The following FGF12 variants were observed in gnomAD, a reference collection of about 807,000 sequenced individuals.
The protein encoded by FGF12 is fibroblast growth factor 12B.
FGF12 carries 14 observed loss-of-function variants against 23.6 expected under a neutral mutation model. That is an observed-to-expected ratio of 0.59 (90% CI 0.39 to 0.93). The LOEUF (loss-of-function observed/expected upper bound fraction) is 0.93. Ranked by LOEUF, FGF12 falls within the 40% of genes least tolerant of loss-of-function variation. FGF12 has a pLI of 0.00. For synonymous variants in FGF12, 62 were observed against 77.3 expected (o/e 0.80, Z 1.04); for missense variants, 175 against 217.8 (o/e 0.80, Z 1.24).
At chr3:192,599,269 A>AATAATAATAATTATT (rs1553837299) in intron 2 of FGF12, among the ~76,000 whole-genome samples, 24 of 148,094 alleles carry the variant, frequency 1.6e-4, no homozygotes, top group Non-Finnish European at 2.2e-4. Context: ...TAATAATAAT[A>AATAATAATAATTATT]ATAATAATAA....
intron 2 of FGF12, among the ~76,000 whole-genome samples, chr3:192,447,733 A>C (rs1193488759): frequency 6.6e-6 from 1 of 152,168 alleles, no homozygotes; most frequent in Non-Finnish European, 1.5e-5. Flanking sequence ...CCATTTTTAA[A>C]AACTTAAGTT....
chr3:192,665,457 G>A (rs924683354), intron 2 of FGF12, among the ~76,000 whole-genome samples: 1 of 152,174 alleles, frequency 6.6e-6, no homozygotes, highest in African/African-American at 2.4e-5. Context: ...CATATCCTTT[G>A]CAGGGACATG....
At chr3:192,335,031 T>G (rs181867966) in intron 4 of FGF12, among the ~76,000 whole-genome samples, 2 of 152,220 alleles carry the variant, frequency 1.3e-5, no homozygotes, top group Admixed American at 6.6e-5. Flanking sequence ...TCCTCCATGC[T>G]TAAAGGAGAG....
At chr3:192,559,636 A>T (rs945355087) in intron 2 of FGF12, among the ~76,000 whole-genome samples, 1 of 152,062 alleles carries the variant, frequency 6.6e-6, no homozygotes, top group Non-Finnish European at 1.5e-5. Flanking sequence ...TCTAAAACTT[A>T]AAGTATAATA....
chr3:192,251,648 T>C (rs1245296983), intron 4 of FGF12, among the ~76,000 whole-genome samples: 2 of 152,064 alleles, frequency 1.3e-5, no homozygotes, highest in Non-Finnish European at 1.5e-5. Flanking sequence ...AAAGGAATAC[T>C]ACATTGCAAT....
chr3:192,693,894 A>G (rs543992812), intron 2 of FGF12, among the ~76,000 whole-genome samples: 2 of 152,326 alleles, frequency 1.3e-5, no homozygotes, highest in Admixed American at 6.5e-5. Context: ...AAAAGAAAAA[A>G]TAAACAAGTG....
chr3:192,590,825 G>A (rs1713583122), intron 2 of FGF12, among the ~76,000 whole-genome samples: 1 of 151,684 alleles, frequency 6.6e-6, no homozygotes, highest in Non-Finnish European at 1.5e-5. Flanking sequence ...ATCAACTTAA[G>A]TTTCTGTCCC....
intron 3 of FGF12, among the ~76,000 whole-genome samples, chr3:192,344,851 A>C (rs1445352821): frequency 3.3e-5 from 5 of 152,202 alleles, no homozygotes; most frequent in Non-Finnish European, 7.3e-5. Flanking sequence ...TTTTTCATTA[A>C]GATGAAAAAT....
chr3:192,641,964 G>A (rs895115985), intron 2 of FGF12, among the ~76,000 whole-genome samples: 6 of 152,118 alleles, frequency 3.9e-5, no homozygotes, highest in East Asian at 1.9e-4. Flanking sequence ...TCTAAATGAC[G>A]TCTGTGAAGA....
At chr3:192,719,509 T>C (rs984520824) in intron 2 of FGF12, among the ~76,000 whole-genome samples, 1 of 152,038 alleles carries the variant, frequency 6.6e-6, no homozygotes, top group African/African-American at 2.4e-5. Flanking sequence ...AAATAAAGAG[T>C]GATTTACATG....
At chr3:192,362,469 T>G (rs1454013367) in intron 2 of FGF12, among the ~76,000 whole-genome samples, 1 of 151,350 alleles carries the variant, frequency 6.6e-6, no homozygotes, top group East Asian at 2.0e-4. Flanking sequence ...TTCCCACCTA[T>G]GAGTGAGAAC....
At chr3:192,310,990 C>T (rs1715902383) in intron 4 of FGF12, among the ~76,000 whole-genome samples, 1 of 152,126 alleles carries the variant, frequency 6.6e-6, no homozygotes, top group African/African-American at 2.4e-5. Flanking sequence ...ATTCACACCT[C>T]TGTATTACTT....
At chr3:192,286,708 G>T (rs1714465947) in intron 4 of FGF12, among the ~76,000 whole-genome samples, 1 of 151,952 alleles carries the variant, frequency 6.6e-6, no homozygotes, top group South Asian at 2.1e-4. Context: ...TAAGACAATG[G>T]TTTATTGTTG....
intron 2 of FGF12, among the ~76,000 whole-genome samples, chr3:192,654,539 C>T (rs1716328170): frequency 6.6e-6 from 1 of 152,168 alleles, no homozygotes; most frequent in Non-Finnish European, 1.5e-5. Context: ...TATCTTGCCA[C>T]AGATGGGCAT....
intron 4 of FGF12, among the ~76,000 whole-genome samples, chr3:192,309,446 A>AAACTGGAAGATGGG (rs534654623): frequency 6.6e-6 from 1 of 152,218 alleles, no homozygotes; most frequent in Non-Finnish European, 1.5e-5. Flanking sequence ...AGTTTGCAGG[A>AAACTGGAAGATGGG]AACTGGAAGA....
chr3:192,371,460 A>G (rs765650007), intron 2 of FGF12, among the ~76,000 whole-genome samples: 7 of 152,232 alleles, frequency 4.6e-5, no homozygotes, highest in Non-Finnish European at 8.8e-5. Context: ...TGTTTAGATA[A>G]CTAAGACCCA....
intron 4 of FGF12, among the ~76,000 whole-genome samples, chr3:192,189,546 A>C (rs1480087108): frequency 6.6e-6 from 1 of 152,196 alleles, no homozygotes; most frequent in Non-Finnish European, 1.5e-5. Flanking sequence ...TAGGACCTTT[A>C]GATGAAGTGA....
At chr3:192,145,191 G>A (rs376074653) in intron 5 of FGF12, among the ~76,000 whole-genome samples, 1 of 152,198 alleles carries the variant, frequency 6.6e-6, no homozygotes, top group East Asian at 1.9e-4. Flanking sequence ...ATGAAAAATT[G>A]CATATTTATG....
At chr3:192,286,654 G>C (rs1318648240) in intron 4 of FGF12, among the ~76,000 whole-genome samples, 1 of 151,974 alleles carries the variant, frequency 6.6e-6, no homozygotes, top group Non-Finnish European at 1.5e-5. Context: ...GAATGAAAAA[G>C]AAATCCTTTT....
Sources: gnomAD v4.1 joint callset for allele counts (sites outside exome capture counted in the v4.1 genomes callset) on GRCh38, gnomAD v4.1.1 for gene constraint, MANE v1.5 for transcripts, NCBI Gene and HGNC (gene_info 2026-07-23, HGNC 2026-07-21) for gene names.